RIPOR2: variants seen among roughly 807,000 people sequenced by gnomAD.
RIPOR2 encodes the protein RHO family interacting cell polarization regulator 2.
Under a neutral mutation model 114.5 loss-of-function variants are expected in RIPOR2, and 39 were observed. That is an observed-to-expected ratio of 0.34 (90% CI 0.26 to 0.44). The LOEUF is 0.44. RIPOR2 is among the 20% of genes least tolerant of loss of function. RIPOR2 has a pLI of 1.00. For synonymous variants in RIPOR2, 445 were observed against 484.4 expected, an observed-to-expected ratio of 0.92 and a Z score of 1.07; for missense variants, 1,007 against 1,255.1, an observed-to-expected ratio of 0.80 and a Z score of 2.99.
chr6:24,964,173 G>GTGTGTA lies in RIPOR2; in HGVS notation c.76+77677_76+77678insTACACA, dbSNP rs1773426359. Among the ~76,000 whole-genome samples the GTGTGTA allele has an allele frequency of 2.0e-5, 3 of 151,994 alleles. No homozygotes were observed. In the South Asian group the frequency reaches 6.2e-4, roughly 32 times the overall value. On this transcript the variant is annotated intron_variant, in intron 1 of 13. Coordinates refer to the RIPOR2 transcript ENST00000510784. ...TGTGTGTGTGTGTGTGTGTGTGTGTGTGTGTGTTTCTTTGCCATTTCACCA... is the reference window on the plus strand; with the variant it reads ...TGTGTGTGTGTGTGTGTGTGTGTGTGTGTGTATGTGTGTTTCTTTGCCATTTCACCA...
At chr6:24,826,406 G>C (rs893517969) in intron 18 of RIPOR2, among the ~76,000 whole-genome samples, 2 of 151,940 alleles carry the variant, frequency 1.3e-5, no homozygotes, top group Non-Finnish European at 2.9e-5. Flanking sequence ...TGTCTGGTCA[G>C]TACAAATGGA....
chr6:25,015,896 G>GTTTTTTTTTTTTTTTTTTTTTTTT lies in RIPOR2; in HGVS notation c.76+25931_76+25954dup, dbSNP rs869301317. The stretch of plus-strand genomic sequence containing the variant: ...TCCCCTTAAAAACGCAGGTTTTTTG[G>GTTTTTTTTTTTTTTTTTTTTTTTT]TTTTTTTTTTTTTTTTTTTTTTTTT... On this transcript the variant is annotated intron_variant, in intron 1 of 13. Coordinates refer to the RIPOR2 transcript ENST00000510784. 8.7e-5 allele frequency: 4 copies of GTTTTTTTTTTTTTTTTTTTTTTTT among 45,836 alleles called. 2 individuals carry two copies. 2.8% of individuals were successfully genotyped at this position (45,836 alleles called of 1,614,324 possible).
chr6:24,984,561 G>A lies in RIPOR2; in HGVS notation c.76+57290C>T, dbSNP rs376042246. On this transcript the variant is annotated intron_variant, in intron 1 of 13. Transcript: ENST00000510784. ...ATTTAAAGCACTTGGAGCTGGGCCC[G>A]GTGGTGCACGCCAGTAGTCCTAGCT... Among the ~76,000 whole-genome samples, 120 of 152,036 alleles carry A rather than the reference G, an allele frequency of 7.9e-4. 2 individuals carry two copies. The South Asian group carries it at 0.019, about 24-fold the overall frequency.
At chr6:24,863,548 G>C (rs561615689) in intron 7 of RIPOR2, among the ~76,000 whole-genome samples, 1 of 152,210 alleles carries the variant, frequency 6.6e-6, no homozygotes, top group Non-Finnish European at 1.5e-5. Flanking sequence ...ATGGGGTCTC[G>C]TGAACTAGGA....
chr6:24,932,684 T>G (rs1771499064), intron 1 of RIPOR2, among the ~76,000 whole-genome samples: 4 of 152,184 alleles, frequency 2.6e-5, no homozygotes, highest in African/African-American at 9.7e-5. Flanking sequence ...TATATATACT[T>G]TTAAGCAAAT....
Position 24,833,416 on chromosome 6 carries a change from G to A in RIPOR2, c.2209-1025C>T, listed in dbSNP as rs371417085. Reference sequence around the variant, plus strand: ...CTCAGGAGGCTGAGGCAGGAGAGTCGCTTGAACCCTGGAGGCGGAGGCTGC... The same window carrying A: ...CTCAGGAGGCTGAGGCAGGAGAGTCACTTGAACCCTGGAGGCGGAGGCTGC... On this transcript the variant is annotated intron_variant, in intron 15 of 21. Transcript: ENST00000643898. Among the ~76,000 whole-genome samples the A allele has an allele frequency of 3.6e-4, 55 of 152,120 alleles. 1 individual carries two copies. The South Asian group carries it at 7.3e-3, about 20-fold the overall frequency.
chr6:25,008,588 T>A (rs923191093), intron 1 of RIPOR2, among the ~76,000 whole-genome samples: 7 of 152,230 alleles, frequency 4.6e-5, no homozygotes, highest in Non-Finnish European at 1.0e-4. Context: ...TTCTGGCCTA[T>A]AAAACATAAT....
intron 1 of RIPOR2, among the ~76,000 whole-genome samples, chr6:25,004,036 T>C (rs2113656312): frequency 6.6e-6 from 1 of 152,256 alleles, no homozygotes; most frequent in South Asian, 2.1e-4. Flanking sequence ...CTGGAGGGGA[T>C]TTGAGCAGCC....
intron 1 of RIPOR2, among the ~76,000 whole-genome samples, chr6:24,989,066 G>A (rs945030499): frequency 1.3e-5 from 2 of 151,680 alleles, no homozygotes; most frequent in Non-Finnish European, 1.5e-5. Context: ...CATCTTTCTT[G>A]GATTCATTAT....
chr6:25,022,636 T>C (rs2113720170), intron 1 of RIPOR2, among the ~76,000 whole-genome samples: 1 of 134,316 alleles, frequency 7.4e-6, no homozygotes, highest in South Asian at 2.6e-4. Context: ...AGCCTCAAAC[T>C]CCTGGGCTCA....
intron 1 of RIPOR2, among the ~76,000 whole-genome samples, chr6:25,005,820 T>C (rs1298294683): frequency 1.3e-5 from 2 of 149,504 alleles, no homozygotes; most frequent in Admixed American, 6.7e-5. Context: ...TCATGATCAC[T>C]GAGCTCTGGG....
intron 1 of RIPOR2, among the ~76,000 whole-genome samples, chr6:24,970,994 C>A (rs1397575651): frequency 1.3e-5 from 2 of 152,162 alleles, no homozygotes; most frequent in African/African-American, 4.8e-5. Context: ...ATGAGATAAT[C>A]ATCATGTAAA....
At chr6:25,026,481 T>C (rs1252220164) in intron 1 of RIPOR2, among the ~76,000 whole-genome samples, 1 of 152,228 alleles carries the variant, frequency 6.6e-6, no homozygotes, top group Non-Finnish European at 1.5e-5. Flanking sequence ...AAGCTCAATA[T>C]GCAAACAACC....
chr6:24,846,702 C>T (rs530154209), intron 12 of RIPOR2, among the ~76,000 whole-genome samples: 1 of 152,156 alleles, frequency 6.6e-6, no homozygotes, highest in South Asian at 2.1e-4. Context: ...CTCAAAGCTT[C>T]GTTTTATACA....
rs533548207 is a variant in RIPOR2 at position 24,885,106 on chromosome 6, A to C, written c.62-9289T>G. Among the ~76,000 whole-genome samples the C allele has an allele frequency of 1.5e-4, 23 of 152,332 alleles. No individual in the cohort carries two copies. In the East Asian group the frequency reaches 4.2e-3, roughly 28 times the overall value. On this transcript the variant is annotated intron_variant, in intron 1 of 21. Coordinates refer to ENST00000643898, the MANE Select transcript of RIPOR2 (RefSeq NM_001286445.3). ...AACCTAAGACTGAGCTCTGCTTTTA[A>C]AAATTTTAACAATTTAATTGAAGAT...
intron 21 of RIPOR2, among the ~76,000 whole-genome samples, chr6:24,807,974 G>T (rs367642981): frequency 6.6e-6 from 1 of 152,078 alleles, no homozygotes; most frequent in Admixed American, 6.5e-5. Flanking sequence ...ACTTCAGGGG[G>T]GTCTCAAACT....
At chr6:25,041,246 AT>A (rs1436300056) in intron 1 of RIPOR2, among the ~76,000 whole-genome samples, 1 of 152,226 alleles carries the variant, frequency 6.6e-6, no homozygotes, top group Admixed American at 6.5e-5. Flanking sequence ...ACACACACAA[AT>A]TTGTTACTTG....
At chr6:24,947,267 C>T (rs147084517) in intron 1 of RIPOR2, among the ~76,000 whole-genome samples, 288 of 152,200 alleles carry the variant, frequency 1.9e-3, no homozygotes, top group African/African-American at 6.5e-3. Flanking sequence ...CTCTCCGTCT[C>T]GGGTTTTGGG....
At chr6:24,979,720 C>G (rs936220441) in intron 1 of RIPOR2, among the ~76,000 whole-genome samples, 1 of 152,114 alleles carries the variant, frequency 6.6e-6, no homozygotes, top group Non-Finnish European at 1.5e-5. Context: ...TTGGAAAATT[C>G]AAGGCTAGTT....
Sources: gnomAD v4.1 joint callset for allele counts (sites outside exome capture counted in the v4.1 genomes callset) on GRCh38, gnomAD v4.1.1 for gene constraint, MANE v1.5 for transcripts, NCBI Gene and HGNC (gene_info 2026-07-23, HGNC 2026-07-21) for gene names.